WFDC12: variants seen among roughly 807,000 people sequenced by gnomAD.
WFDC12 encodes WAP four-disulfide core domain 12.
WFDC12 carries 4 observed loss-of-function variants against 7.3 expected under a neutral mutation model. That is an observed-to-expected ratio of 0.55 (90% CI 0.27 to 1.25). WFDC12 has a LOEUF of 1.25. WFDC12 is among the 50% of genes most tolerant of loss of function. The pLI is 0.12. For missense variants in WFDC12, 156 were observed against 134.4 expected, an observed-to-expected ratio of 1.16 and a Z score of -0.80; for synonymous variants, 48 against 49.5, an observed-to-expected ratio of 0.97 and a Z score of 0.13.
Position 45,123,861 on chromosome 20 carries a change from C to T in WFDC12, c.321G>A (p.Arg107=), listed in dbSNP as rs1248158053. ...GGACCCAGCATCATTTCTGAGGACA[C>T]CTGGTAGAGGAGGAGCCTGGACACT... ...EAKCPGSSST[R]CPQK is the part of the protein sequence containing the mutation. Residue 107 remains arginine, a synonymous_variant, in exon 3 of 3, where the codon AGG becomes AGA. Transcript: ENST00000372785. 1.2e-6 allele frequency: 2 copies of T among 1,613,046 alleles called. No individual in the cohort carries two copies. The highest frequency in any genetic ancestry group is 1.7e-5 in the Admixed American group (1 of 60,010).
Position 45,124,404 on chromosome 20 carries a change from A to G in WFDC12, c.44T>C (p.Leu15Pro), listed in dbSNP as rs757441205. The part of the protein sequence containing the change: ...SFLVLMVSLV[L>P]VTLVAVEGVK... Reference sequence around the variant, plus strand: ...TCCTTCCACAGCCACCAGGGTCACAAGAACGAGAGACACCATGAGGACCAA... The same window carrying G: ...TCCTTCCACAGCCACCAGGGTCACAGGAACGAGAGACACCATGAGGACCAA... The change falls in exon 1 of 3, where the codon CTT becomes CCT. Residue 15 changes from leucine (L) to proline (P), a missense_variant. Coordinates refer to ENST00000372785, the MANE Select transcript of WFDC12 (RefSeq NM_080869.2). The G allele has an allele frequency of 2.9e-5, 47 of 1,613,998 alleles. No homozygotes were observed. The highest frequency in any genetic ancestry group is 4.0e-5 in the Non-Finnish European group (47 of 1,180,024).
rs145261147 is a variant in WFDC12, at chr20:45,124,408, C to T, written c.40G>A (p.Val14Ile). 31 of 1,614,058 alleles carry T rather than the reference C, an allele frequency of 1.9e-5. No individual in the cohort carries two copies. Among genetic ancestry groups the T allele is most frequent in the African/African-American group, 5.3e-5 (4 of 74,918 alleles). The change falls in exon 1 of 3, where the codon GTT (valine) becomes ATT (isoleucine). Residue 14 changes from valine to isoleucine, a missense_variant. Transcript: ENST00000372785. ...TCCACAGCCACCAGGGTCACAAGAA[C>T]GAGAGACACCATGAGGACCAAGAAG... is the stretch of plus-strand genomic sequence containing the variant. ...SSFLVLMVSL[V>I]LVTLVAVEGV...
chr20:45,123,912 T>G lies in WFDC12; in HGVS notation c.270A>C (p.Pro90=), dbSNP rs377734203. ...GGNKDEDVSR[P]YPEPGWEAKC... is the part of the protein sequence containing the mutation. ...TGGCCTCCCATCCTGGCTCAGGGTA[T>G]GGCCTTGACACATCTTCATCCTTGT... Residue 90 remains proline, a synonymous_variant, in exon 3 of 3, where the codon CCA becomes CCC. Transcript: ENST00000372785. 2 of 1,613,548 alleles carry G rather than the reference T, an allele frequency of 1.2e-6. No homozygotes were observed. The highest frequency in any genetic ancestry group is 1.7e-6 in the Non-Finnish European group (2 of 1,179,924).
At position 45,124,396 on chromosome 20, in the gene WFDC12, G is replaced by A; in HGVS notation, c.52C>T (p.Leu18=). ...VLMVSLVLVT[L]VAVEGVKEGI... ...TCTTTAACTCCTTCCACAGCCACCA[G>A]GGTCACAAGAACGAGAGACACCATG... is the stretch of plus-strand genomic sequence containing the variant. The change falls in exon 1 of 3, where the codon CTG becomes TTG. Residue 18 remains leucine, a synonymous_variant. Transcript: ENST00000372785. 1 of 1,614,188 alleles carries A rather than the reference G, an allele frequency of 6.2e-7. No homozygotes were observed. The highest frequency in any genetic ancestry group is 8.5e-7 in the Non-Finnish European group (1 of 1,180,030).
At position 45,124,231 on chromosome 20, in the gene WFDC12, G is replaced by A. The variant is rs773055300; in HGVS notation, c.114C>T (p.Asn38=). 2.2e-5 allele frequency: 36 copies of A among 1,614,154 alleles called. No individual in the cohort carries two copies. Among genetic ancestry groups the A allele is most frequent in the Admixed American group, 1.7e-4 (10 of 60,026 alleles). ...IEKAGVCPAD[N]VRCFKSDPPQ... The stretch of plus-strand genomic sequence containing the variant: ...GAGGATCGGACTTGAAGCAGCGTAC[G>A]TTGTCAGCTGGGCAAACCCCTGCTT... The change falls in exon 2 of 3, where the codon AAC becomes AAT. Residue 38 remains asparagine (N), a synonymous_variant. Transcript: ENST00000372785.
rs778175234 is a variant in WFDC12, at chr20:45,124,167, TC to T, written c.177del (p.Lys60SerfsTer12). ...CHTDQDCLGE[R>X]KCCYLHCGFK... is the part of the protein sequence containing the mutation. ...AAGCCACAGTGCAGGTAACAACACTTCCTTTCCCCCAGACAGTCCTGGTCTG... is the reference window on the plus strand; with the variant it reads ...AAGCCACAGTGCAGGTAACAACACTTCTTTCCCCCAGACAGTCCTGGTCTG... On this transcript the variant is annotated frameshift_variant, in exon 2 of 3. Transcript: ENST00000372785. LOFTEE classifies it high-confidence loss of function. 2 of 1,614,150 alleles carry T rather than the reference TC, an allele frequency of 1.2e-6. No homozygotes were observed. Among genetic ancestry groups the T allele is most frequent in the Non-Finnish European group, 1.7e-6 (2 of 1,180,022 alleles).
At position 45,124,146 on chromosome 20, in the gene WFDC12, C is replaced by T; in HGVS notation, c.199G>A (p.Gly67Ser). ...GERKCCYLHC[G>S]FKCVIPVKEL... ...TTCACAGGAATCACACACTTGAAGC[C>T]ACAGTGCAGGTAACAACACTTCCTT... Residue 67 changes from glycine (G) to serine (S), a missense_variant, in exon 2 of 3, where the codon GGC becomes AGC. By Grantham distance (56) the Gly-to-Ser change is moderately conservative. Transcript: ENST00000372785. 6.2e-7 allele frequency: 1 copy of T among 1,614,204 alleles called. No homozygotes were observed. The highest frequency in any genetic ancestry group is 1.1e-5 in the South Asian group (1 of 91,086).
intron 2 of WFDC12, 23 bp downstream of exon 2, chr20:45,124,084 C>T: frequency 6.2e-7 from 1 of 1,613,396 alleles, no homozygotes; most frequent in Non-Finnish European, 8.5e-7. Context: ...ACAGCCCCAG[C>T]CCTGGGAGGC....
Position 45,123,878 on chromosome 20 carries a change from C to T in WFDC12, c.304G>A (p.Gly102Ser), listed in dbSNP as rs777226790. The change falls in exon 3 of 3, where the codon GGC becomes AGC. Residue 102 changes from glycine to serine, a missense_variant. Coordinates refer to ENST00000372785, the MANE Select transcript of WFDC12 (RefSeq NM_080869.2). The part of the protein sequence containing the change: ...PEPGWEAKCP[G>S]SSSTRCPQK ...TGAGGACACCTGGTAGAGGAGGAGC[C>T]TGGACACTTGGCCTCCCATCCTGGC... 3 of 1,613,436 alleles carry T rather than the reference C, an allele frequency of 1.9e-6. No individual in the cohort carries two copies. The East Asian group carries it at 6.7e-5, about 36-fold the overall frequency.
rs764013344 is a variant in WFDC12, at chr20:45,123,874, G to A, written c.308C>T (p.Ser103Phe). 3.3e-5 allele frequency: 54 copies of A among 1,613,374 alleles called. No homozygotes were observed. In the Middle Eastern group the frequency reaches 5.5e-4, roughly 17 times the overall value. ...EPGWEAKCPG[S>F]SSTRCPQK ...TTTCTGAGGACACCTGGTAGAGGAG[G>A]AGCCTGGACACTTGGCCTCCCATCC... Residue 103 changes from serine to phenylalanine, a missense_variant, in exon 3 of 3, where the codon TCC becomes TTC. Ser to Phe is a radical substitution (Grantham distance 155). Coordinates refer to ENST00000372785, the MANE Select transcript of WFDC12 (RefSeq NM_080869.2).
At position 45,123,933 on chromosome 20, in the gene WFDC12, C is replaced by T; in HGVS notation, c.249G>A (p.Lys83=). 6.2e-7 allele frequency: 1 copy of T among 1,611,884 alleles called. No individual in the cohort carries two copies. Among genetic ancestry groups the T allele is most frequent in the South Asian group, 1.1e-5 (1 of 90,844 alleles). Residue 83 remains lysine (K), a synonymous_variant, in exon 3 of 3, where the codon AAG becomes AAA. Transcript: ENST00000372785. ...GGTATGGCCTTGACACATCTTCATC[C>T]TTGTTTCCTCCTTTGGACAATGGAG... ...PVKELEEGGN[K]DEDVSRPYPE... is the part of the protein sequence containing the mutation.
chr20:45,124,416 A>G lies in WFDC12; in HGVS notation c.32T>C (p.Val11Ala). 1 of 1,614,220 alleles carries G rather than the reference A, an allele frequency of 6.2e-7. No homozygotes were observed. Among genetic ancestry groups the G allele is most frequent in the East Asian group, 2.2e-5 (1 of 44,876 alleles). MGSSSFLVLM[V>A]SLVLVTLVAV... ...CACCAGGGTCACAAGAACGAGAGAC[A>G]CCATGAGGACCAAGAAGCTGCTGGA... Residue 11 changes from valine (V) to alanine (A), a missense_variant, in exon 1 of 3, where the codon GTG (valine) becomes GCG (alanine). By Grantham distance (64) the Val-to-Ala change is moderately conservative. Coordinates refer to ENST00000372785, the MANE Select transcript of WFDC12 (RefSeq NM_080869.2).
In WFDC12 at chr20:45,124,177, C is replaced by T. The variant is rs1477911739; in HGVS notation, c.168G>A (p.Leu56=). The part of the protein sequence containing the change: ...PPQCHTDQDC[L]GERKCCYLHC... ...GCAGGTAACAACACTTCCTTTCCCC[C>T]AGACAGTCCTGGTCTGTGTGACACT... Residue 56 remains leucine, a synonymous_variant, in exon 2 of 3, where the codon CTG becomes CTA. Coordinates refer to ENST00000372785, the MANE Select transcript of WFDC12 (RefSeq NM_080869.2). 2.5e-6 allele frequency: 4 copies of T among 1,614,102 alleles called. No individual in the cohort carries two copies. Among genetic ancestry groups the T allele is most frequent in the Admixed American group, 1.7e-5 (1 of 60,016 alleles).
At position 45,123,581 on chromosome 20, in the gene WFDC12, T is replaced by C. The variant is rs1981917159; in HGVS notation, c.*265A>G. On this transcript the variant is annotated 3_prime_UTR_variant, in exon 3 of 3. Transcript: ENST00000372785. ...ACACATTGCAGAAGGGCAAGGCAGC[T>C]CTTTGGGGTCTCTTATAAGGGCACT... 4 of 511,492 alleles carry C rather than the reference T, an allele frequency of 7.8e-6. No individual in the cohort carries two copies. The highest frequency in any genetic ancestry group is 1.4e-5 in the Non-Finnish European group (4 of 285,030). 31.7% of individuals were successfully genotyped at this position (511,492 alleles called of 1,614,324 possible).
Position 45,124,223 on chromosome 20 carries a change from C to T in WFDC12, c.122G>A (p.Cys41Tyr). 1 of 1,614,222 alleles carries T rather than the reference C, an allele frequency of 6.2e-7. No homozygotes were observed. Among genetic ancestry groups the T allele is most frequent in the African/African-American group, 1.3e-5 (1 of 75,052 alleles). ...AGVCPADNVR[C>Y]FKSDPPQCHT... ...ACACTGGGGAGGATCGGACTTGAAGCAGCGTACGTTGTCAGCTGGGCAAAC... is the reference window on the plus strand; with the variant it reads ...ACACTGGGGAGGATCGGACTTGAAGTAGCGTACGTTGTCAGCTGGGCAAAC... The change falls in exon 2 of 3, where the codon TGC becomes TAC. Residue 41 changes from cysteine to tyrosine, a missense_variant. Physicochemically the swap from Cys to Tyr is radical, Grantham distance 194. Coordinates refer to ENST00000372785, the MANE Select transcript of WFDC12 (RefSeq NM_080869.2).
In WFDC12 at chr20:45,123,879, T is replaced by A. The variant is rs373610891; in HGVS notation, c.303A>T (p.Pro101=). The stretch of plus-strand genomic sequence containing the variant: ...GAGGACACCTGGTAGAGGAGGAGCC[T>A]GGACACTTGGCCTCCCATCCTGGCT... ...YPEPGWEAKC[P]GSSSTRCPQK is the part of the protein sequence containing the mutation. The change falls in exon 3 of 3, where the codon CCA becomes CCT. Residue 101 remains proline (P), a synonymous_variant. Coordinates refer to ENST00000372785, the MANE Select transcript of WFDC12 (RefSeq NM_080869.2). The A allele has an allele frequency of 2.9e-5, 46 of 1,613,312 alleles. No individual in the cohort carries two copies. Among genetic ancestry groups the A allele is most frequent in the East Asian group, 4.5e-5 (2 of 44,888 alleles).
In WFDC12 at chr20:45,123,713, T is replaced by G; in HGVS notation, c.*133A>C. 1 of 941,832 alleles carries G rather than the reference T, an allele frequency of 1.1e-6. No homozygotes were observed. Among genetic ancestry groups the G allele is most frequent in the Non-Finnish European group, 1.6e-6 (1 of 609,492 alleles). 58.3% of individuals were successfully genotyped at this position (941,832 alleles called of 1,614,324 possible). ...GACTTTTTGTGACTCTTCCCTCTTT[T>G]TGGGGAAAAGGACTTCAAGCTCAGG... is the stretch of plus-strand genomic sequence containing the variant. On this transcript the variant is annotated 3_prime_UTR_variant, in exon 3 of 3. Transcript: ENST00000372785.
chr20:45,123,998 T>C, intron 2 of WFDC12, 55 bp from the exon 3 acceptor site: 2 of 1,595,298 alleles, frequency 1.3e-6, no homozygotes, highest in Non-Finnish European at 1.7e-6. Flanking sequence ...CTGCCAGCTT[T>C]AGCCATCCCT....
intron 2 of WFDC12, 33 bp from the exon 3 acceptor site, chr20:45,123,976 T>G (rs752423398): frequency 6.3e-7 from 1 of 1,597,292 alleles, no homozygotes; most frequent in Admixed American, 1.8e-5. Context: ...GACTAGGTGG[T>G]CTCTGAGGGC....
Sources: gnomAD v4.1 joint callset for allele counts on GRCh38, gnomAD v4.1.1 for gene constraint, MANE v1.5 for transcripts, NCBI Gene and HGNC (gene_info 2026-07-23, HGNC 2026-07-21) for gene names.